Variants in CCDC171 observed in about 807,000 individuals in gnomAD.
The protein encoded by CCDC171 is coiled-coil domain containing 171.
A neutral mutation model predicts 168.2 loss-of-function variants in CCDC171; 177 were observed. That is an observed-to-expected ratio of 1.05 (90% CI 0.93 to 1.19). CCDC171 has a LOEUF of 1.19. Ranked by LOEUF, CCDC171 falls within the 50% of genes most tolerant of loss-of-function variation. The pLI is 0.00. For missense variants in CCDC171, 1,991 were observed against 1,539.0 expected, an observed-to-expected ratio of 1.29 and a Z score of -4.91; for synonymous variants, 687 against 540.8, an observed-to-expected ratio of 1.27 and a Z score of -3.75.
At chr9:15,725,335 A>G (rs1166981390) in intron 14 of CCDC171, among the ~76,000 whole-genome samples, 2 of 152,216 alleles carry the variant, frequency 1.3e-5, no homozygotes, top group Non-Finnish European at 2.9e-5. Context: ...GGTGGAAAGA[A>G]TAAATATTTT....
intron 7 of CCDC171, among the ~76,000 whole-genome samples, chr9:15,630,459 T>A (rs1406473738): frequency 2.0e-5 from 3 of 152,136 alleles, no homozygotes; most frequent in Non-Finnish European, 4.4e-5. Context: ...AAGGATCAAT[T>A]CAACAAGAAG....
intron 24 of CCDC171, among the ~76,000 whole-genome samples, chr9:15,884,239 A>T (rs1396387048): frequency 6.6e-6 from 1 of 150,944 alleles, no homozygotes; most frequent in East Asian, 2.0e-4. Flanking sequence ...AGGTGATATT[A>T]CCTGGTCTGG....
chr9:15,789,936 C>CT (rs1160045183), intron 21 of CCDC171, among the ~76,000 whole-genome samples: 3 of 152,020 alleles, frequency 2.0e-5, no homozygotes, highest in African/African-American at 7.2e-5. Flanking sequence ...TGAACTCATC[C>CT]TTTTTTATGG....
At chr9:15,799,559 T>G (rs1253630940) in intron 21 of CCDC171, among the ~76,000 whole-genome samples, 1 of 152,082 alleles carries the variant, frequency 6.6e-6, no homozygotes, top group African/African-American at 2.4e-5. Flanking sequence ...CAATGTGTGA[T>G]AACCACATCA....
chr9:15,810,063 C>T (rs979732762), intron 21 of CCDC171, among the ~76,000 whole-genome samples: 1 of 152,170 alleles, frequency 6.6e-6, no homozygotes, highest in African/African-American at 2.4e-5. Context: ...CTGATTGGTG[C>T]ATCCACTAAC....
chr9:15,994,937 C>G (rs932350362), intron 3 of CCDC171, among the ~76,000 whole-genome samples: 1 of 152,152 alleles, frequency 6.6e-6, no homozygotes, highest in African/African-American at 2.4e-5. Context: ...TCAAAGTGGA[C>G]TCCTTCAAAG....
At chr9:15,566,551 T>A (rs2039744565) in intron 2 of CCDC171, among the ~76,000 whole-genome samples, 1 of 152,208 alleles carries the variant, frequency 6.6e-6, no homozygotes, top group African/African-American at 2.4e-5. Context: ...AGAGCGAGAC[T>A]TTGTCTCAAC....
chr9:16,099,754 A>G, the CCDC171 span, among the ~76,000 whole-genome samples: 1 of 152,236 alleles, frequency 6.6e-6, no homozygotes, highest in South Asian at 2.1e-4. Flanking sequence ...ATCGCACAAC[A>G]AAGTCATTTA....
chr9:15,861,001 C>T (rs1026848696), intron 23 of CCDC171, among the ~76,000 whole-genome samples: 1 of 147,894 alleles, frequency 6.8e-6, no homozygotes, highest in East Asian at 2.0e-4. Context: ...GGAGACTGCA[C>T]TCTTATATCA....
At chr9:16,102,092 C>T in the CCDC171 span, among the ~76,000 whole-genome samples, 5 of 152,290 alleles carry the variant, frequency 3.3e-5, no homozygotes, top group African/African-American at 7.2e-5. Flanking sequence ...TGGTCTCCAG[C>T]GTACACTTAC....
At chr9:15,877,860 G>A (rs751231152) in intron 24 of CCDC171, among the ~76,000 whole-genome samples, 13 of 151,946 alleles carry the variant, frequency 8.6e-5, no homozygotes, top group Non-Finnish European at 1.8e-4. Context: ...GGTAATAACT[G>A]GCAAATATTA....
intron 19 of CCDC171, 98 bp from the exon 20 acceptor site, chr9:15,778,870 T>C: frequency 1.2e-6 from 1 of 862,000 alleles, no homozygotes; most frequent in African/African-American, 1.7e-5. Context: ...CACTGGTTTT[T>C]GGATAATCTA....
chr9:15,740,203 T>C (rs923986974), intron 16 of CCDC171, among the ~76,000 whole-genome samples: 2 of 152,202 alleles, frequency 1.3e-5, no homozygotes, highest in African/African-American at 4.8e-5. Flanking sequence ...ATGGTCTATT[T>C]GGAATTTACT....
chr9:15,602,850 G>GT (rs1332075296), intron 6 of CCDC171, among the ~76,000 whole-genome samples: 2 of 151,892 alleles, frequency 1.3e-5, no homozygotes, highest in African/African-American at 4.8e-5. Flanking sequence ...TAGAGACGGA[G>GT]TTTTGCCAGG....
chr9:15,928,319 T>C (rs1326444610), intron 25 of CCDC171, among the ~76,000 whole-genome samples: 3 of 151,674 alleles, frequency 2.0e-5, no homozygotes, highest in East Asian at 3.9e-4. Context: ...GAAATCTCAG[T>C]TGAAAAAAAT....
chr9:15,741,471 T>C (rs2054876490), intron 16 of CCDC171, among the ~76,000 whole-genome samples: 1 of 152,232 alleles, frequency 6.6e-6, no homozygotes, highest in Non-Finnish European at 1.5e-5. Flanking sequence ...CATTCCTTTT[T>C]ATGGCTGAAT....
intron 11 of CCDC171, among the ~76,000 whole-genome samples, chr9:15,716,783 A>G (rs2134118189): frequency 6.6e-6 from 1 of 152,300 alleles, no homozygotes; most frequent in East Asian, 1.9e-4. Flanking sequence ...CATTCCTGTG[A>G]TGACATTAAT....
At chr9:16,003,467 G>C (rs1443777710) in intron 3 of CCDC171, among the ~76,000 whole-genome samples, 1 of 152,190 alleles carries the variant, frequency 6.6e-6, no homozygotes, top group Non-Finnish European at 1.5e-5. Context: ...GGATGGGAAA[G>C]TGTCAAGAAG....
At chr9:16,085,892 T>A in the CCDC171 span, among the ~76,000 whole-genome samples, 1 of 152,194 alleles carries the variant, frequency 6.6e-6, no homozygotes, top group Non-Finnish European at 1.5e-5. Flanking sequence ...CTTTTAAAAA[T>A]TGCCTTTTTA....
Sources: allele counts gnomAD v4.1 joint callset (sites outside exome capture counted in the v4.1 genomes callset), GRCh38; gene constraint gnomAD v4.1.1; transcripts MANE v1.5; gene names NCBI Gene and HGNC (gene_info 2026-07-23, HGNC 2026-07-21).